The following LINGO2 variants were observed in gnomAD, a reference collection of about 807,000 sequenced individuals.
LINGO2 encodes leucine-rich repeat and immunoglobulin-like domain-containing nogo receptor-interacting protein 2.
LINGO2 carries 14 observed loss-of-function variants against 30.6 expected under a neutral mutation model. The observed-to-expected ratio is 0.46, with a 90% CI of 0.30 to 0.72. LINGO2 has a LOEUF of 0.72. Ranked by LOEUF, LINGO2 falls within the 30% of genes least tolerant of loss-of-function variation. The pLI is 0.07. For missense variants in LINGO2, 729 were observed against 751.7 expected (o/e 0.97, Z 0.35); for synonymous variants, 317 against 288.5 (o/e 1.10, Z -1.00).
chr9:28,542,395 A>G (rs1821739776), intron 1 of LINGO2, among the ~76,000 whole-genome samples: 1 of 152,080 alleles, frequency 6.6e-6, no homozygotes. Context: ...GCCTAAGGAA[A>G]GATGGCCCTC....
chr9:27,942,359 C>T, the LINGO2 span: 2 of 149,428 alleles, frequency 1.3e-5, no homozygotes, highest in African/African-American at 2.4e-5. Flanking sequence ...TATACGACTC[C>T]GATTGTCTCA....
At chr9:28,704,832 C>T in the LINGO2 span, among the ~76,000 whole-genome samples, 4 of 151,830 alleles carry the variant, frequency 2.6e-5, no homozygotes, top group Admixed American at 2.6e-4. Context: ...TCTTTAGGGC[C>T]CTTAGCATGT....
intron 1 of LINGO2, among the ~76,000 whole-genome samples, chr9:28,654,491 A>G (rs993309813): frequency 1.3e-5 from 2 of 148,982 alleles, no homozygotes; most frequent in Admixed American, 1.4e-4. Flanking sequence ...TTGATTGAGT[A>G]TCAGGAGACC....
At chr9:28,169,668 A>G (rs1436862351) in intron 4 of LINGO2, among the ~76,000 whole-genome samples, 1 of 152,228 alleles carries the variant, frequency 6.6e-6, no homozygotes, top group Non-Finnish European at 1.5e-5. Context: ...CGAGAGGCAA[A>G]TAAACAAATA....
chr9:28,027,592 C>G (rs1823445639), intron 4 of LINGO2, among the ~76,000 whole-genome samples: 1 of 152,142 alleles, frequency 6.6e-6, no homozygotes, highest in African/African-American at 2.4e-5. Context: ...ACCCATGTTT[C>G]ACCACTTTCT....
chr9:29,202,453 G>A, the LINGO2 span, among the ~76,000 whole-genome samples: 1 of 151,860 alleles, frequency 6.6e-6, no homozygotes, highest in Non-Finnish European at 1.5e-5. Context: ...TAAAAATTGA[G>A]TATAAATTAA....
the LINGO2 span, among the ~76,000 whole-genome samples, chr9:28,889,845 T>G: frequency 6.6e-6 from 1 of 152,086 alleles, no homozygotes; most frequent in African/African-American, 2.4e-5. Context: ...TAAATATTTT[T>G]CCAAGACCAG....
At chr9:28,258,398 T>C (rs2134035139) in intron 4 of LINGO2, among the ~76,000 whole-genome samples, 1 of 151,950 alleles carries the variant, frequency 6.6e-6, no homozygotes, top group South Asian at 2.1e-4. Context: ...TGAAATAAAA[T>C]AAATACAAGT....
At chr9:28,410,475 AT>A (rs1196184773) in intron 2 of LINGO2, among the ~76,000 whole-genome samples, 1 of 152,118 alleles carries the variant, frequency 6.6e-6, no homozygotes, top group East Asian at 1.9e-4. Flanking sequence ...GGCTGTTTAG[AT>A]TTTTGCTCAC....
At chr9:28,406,887 A>G (rs1822536874) in intron 2 of LINGO2, among the ~76,000 whole-genome samples, 1 of 152,144 alleles carries the variant, frequency 6.6e-6, no homozygotes, top group South Asian at 2.1e-4. Flanking sequence ...TGTGCTACTG[A>G]TACTTGGCTT....
At chr9:28,920,218 T>G in the LINGO2 span, among the ~76,000 whole-genome samples, 1 of 152,100 alleles carries the variant, frequency 6.6e-6, no homozygotes, top group African/African-American at 2.4e-5. Context: ...ACATTTTTTC[T>G]TAATGCACCT....
intron 1 of LINGO2, among the ~76,000 whole-genome samples, chr9:28,509,042 T>C (rs1820264642): frequency 6.6e-6 from 1 of 152,152 alleles, no homozygotes; most frequent in Non-Finnish European, 1.5e-5. Context: ...GCAGACTCTA[T>C]GGTATTGTAC....
chr9:28,196,970 C>G (rs965038549), intron 4 of LINGO2, among the ~76,000 whole-genome samples: 12 of 151,856 alleles, frequency 7.9e-5, no homozygotes, highest in Non-Finnish European at 1.3e-4. Context: ...GGAATAAGAT[C>G]TACTGTCTGG....
chr9:28,262,113 A>G (rs1250453871), intron 4 of LINGO2, among the ~76,000 whole-genome samples: 5 of 151,954 alleles, frequency 3.3e-5, no homozygotes, highest in African/African-American at 1.2e-4. Context: ...AGGGTTATGT[A>G]ATCTTTTTGT....
At chr9:28,467,884 A>G in intron 2 of LINGO2, among the ~76,000 whole-genome samples, 1 of 152,288 alleles carries the variant, frequency 6.6e-6, no homozygotes, top group South Asian at 2.1e-4. Flanking sequence ...TGAAAGGCTT[A>G]TAACATATTT....
At position 28,148,582 on chromosome 9, in the gene LINGO2, C is replaced by G; in HGVS notation, c.-86-136177G>C. The G allele has an allele frequency of 4.0e-6, 6 of 1,506,708 alleles. 1 individual carries two copies. In the South Asian group the frequency reaches 7.2e-5, roughly 18 times the overall value. The allele number at this position is 1,506,708 out of a possible 1,614,324, so 93.3% of individuals were successfully genotyped here. On this transcript the variant is annotated intron_variant, in intron 4 of 5. Coordinates refer to ENST00000379992, the Ensembl canonical transcript of LINGO2. This position sits in a 1 kb window ranked among gnomAD's most constrained non-coding sequence, Gnocchi z 5.1. ...TGGAGACTCAGGGAAACTTCACTTC[C>G]TCCTGGTACAATCCCAGGCCCTTGG...
rs369633626 is a variant in LINGO2, at chr9:28,237,124, G to GC, written c.-87+58083_-87+58084insG. ...CAAAATAGTTAAACAGTGCGGGGGG[G>GC]GGGTAAAGTTAAATGTAGGATTTTT... is the stretch of plus-strand genomic sequence containing the variant. On this transcript the variant is annotated intron_variant, in intron 4 of 5. Transcript: ENST00000379992. 6.1e-5 allele frequency among the ~76,000 whole-genome samples: 8 copies of GC among 132,056 alleles called. 1 individual carries two copies. The highest frequency in any genetic ancestry group is 2.3e-4 in the East Asian group (1 of 4,364). The allele number at this position is 132,056 out of a possible 152,430, so 86.6% of individuals were successfully genotyped here. A position where few individuals can be genotyped will look rare whatever the true frequency, so the allele number is the denominator to read the frequency against.
chr9:28,960,830 T>C, the LINGO2 span, among the ~76,000 whole-genome samples: 1 of 85,664 alleles, frequency 1.2e-5, no homozygotes, highest in Non-Finnish European at 3.1e-5. Flanking sequence ...TAGAAAATGT[T>C]GAAAAAAATC....
the LINGO2 span, among the ~76,000 whole-genome samples, chr9:28,798,884 G>A: frequency 1.4e-4 from 22 of 151,996 alleles, no homozygotes; most frequent in Admixed American, 3.3e-4. Context: ...TATGTGAGAG[G>A]TACAGGAAAC....
Sources: allele counts gnomAD v4.1 joint callset (sites outside exome capture counted in the v4.1 genomes callset), GRCh38; gene constraint gnomAD v4.1.1; non-coding constraint Gnocchi (gnomAD v3.1); transcripts MANE v1.5; gene names NCBI Gene and HGNC (gene_info 2026-07-23, HGNC 2026-07-21).